SCLT1: variants seen among roughly 807,000 people sequenced by gnomAD.
The protein encoded by SCLT1 is sodium channel-associated protein 1.
Under a neutral mutation model 112.8 loss-of-function variants are expected in SCLT1, and 78 were observed. The ratio of observed to expected loss-of-function variants is 0.69; its 90% CI spans 0.58 to 0.83. The LOEUF (loss-of-function observed/expected upper bound fraction) is 0.83. Ranked by LOEUF, SCLT1 falls within the 40% of genes least tolerant of loss-of-function variation. SCLT1 has a pLI of 0.00. For synonymous variants in SCLT1, 257 were observed against 254.7 expected, an observed-to-expected ratio of 1.01 and a Z score of -0.09; for missense variants, 747 against 770.4, an observed-to-expected ratio of 0.97 and a Z score of 0.36.
chr4:129,037,461 T>C (rs957925144), intron 5 of SCLT1: 1 of 152,292 alleles, frequency 6.6e-6, no homozygotes, highest in South Asian at 2.1e-4. Flanking sequence ...TAAGTAAAAC[T>C]GGATAGACAA....
At chr4:129,072,343 T>C (rs1751088340) in intron 2 of SCLT1, among the ~76,000 whole-genome samples, 1 of 152,192 alleles carries the variant, frequency 6.6e-6, no homozygotes, top group Non-Finnish European at 1.5e-5. Flanking sequence ...TGTATTTGGA[T>C]GTCTAGGACT....
At chr4:129,080,354 T>A (rs530202541) in intron 2 of SCLT1, among the ~76,000 whole-genome samples, 31 of 152,348 alleles carry the variant, frequency 2.0e-4, no homozygotes, top group Admixed American at 9.8e-4. Context: ...CAAACACATA[T>A]GAACTTACAC....
intron 5 of SCLT1, among the ~76,000 whole-genome samples, chr4:129,024,986 G>A (rs1166119262): frequency 1.3e-5 from 2 of 151,980 alleles, no homozygotes; most frequent in Non-Finnish European, 2.9e-5. Context: ...AAGCGAGAAG[G>A]GAAGTTTAGA....
At chr4:128,967,358 T>C (rs1232489733) in intron 10 of SCLT1, among the ~76,000 whole-genome samples, 5 of 152,224 alleles carry the variant, frequency 3.3e-5, no homozygotes, top group Non-Finnish European at 7.3e-5. Context: ...TTTATACTAC[T>C]TCGTTATATA....
intron 18 of SCLT1, among the ~76,000 whole-genome samples, chr4:128,908,676 AAC>A (rs1340933876): frequency 1.3e-5 from 2 of 152,242 alleles, no homozygotes; most frequent in African/African-American, 4.8e-5. Context: ...CAGCAGAGAC[AAC>A]AGTGTTCACC....
At chr4:128,893,830 T>C (rs318507) in intron 18 of SCLT1, among the ~76,000 whole-genome samples, 107,663 of 152,184 alleles carry the variant, frequency 0.71, 38,198 homozygotes, top group African/African-American at 0.76. Flanking sequence ...CGTGAGCCAC[T>C]GTGCCCAGCC....
At chr4:128,928,978 T>C (rs988763419) in intron 18 of SCLT1, among the ~76,000 whole-genome samples, 4 of 152,186 alleles carry the variant, frequency 2.6e-5, no homozygotes, top group Admixed American at 1.3e-4. Context: ...CCTTTTAAGA[T>C]TGGGAACAAG....
rs147740447 is a variant in SCLT1, at chr4:129,005,579, T to C, written c.291-1703A>G. Among the ~76,000 whole-genome samples the C allele has an allele frequency of 1.3e-3, 193 of 152,294 alleles. 2 individuals are homozygous for C. Among genetic ancestry groups the C allele is most frequent in the African/African-American group, 4.0e-3 (166 of 41,552 alleles). On this transcript the variant is annotated intron_variant, in intron 5 of 20. Coordinates refer to ENST00000281142, the MANE Select transcript of SCLT1 (RefSeq NM_144643.4). ...TTACACTGTTGGTGGGACTGTAAAC[T>C]AGTTCAACTATTGTGGAAGTCAGTG...
At chr4:129,047,163 G>A (rs986445343) in intron 2 of SCLT1, among the ~76,000 whole-genome samples, 7 of 151,920 alleles carry the variant, frequency 4.6e-5, no homozygotes, top group Non-Finnish European at 1.0e-4. Context: ...TATGATTAGT[G>A]CTTATGTGCT....
chr4:128,942,963 T>C lies in SCLT1; in HGVS notation c.1632+33A>G, dbSNP rs77229492. 2.5e-3 allele frequency: 3,722 copies of C among 1,477,526 alleles called. 84 individuals carry two copies. The African/African-American group carries it at 0.048, about 19-fold the overall frequency. 91.5% of individuals were successfully genotyped at this position (1,477,526 alleles called of 1,614,324 possible). ...AATATTCTCTATACTTTGATTTTCA[T>C]AAGTACACATTTAACTCTAGTCTTG... On this transcript the variant is annotated intron_variant, in intron 17 of 20. Coordinates refer to ENST00000281142, the MANE Select transcript of SCLT1 (RefSeq NM_144643.4).
At chr4:129,008,634 A>G (rs1453835446) in intron 5 of SCLT1, among the ~76,000 whole-genome samples, 3 of 152,110 alleles carry the variant, frequency 2.0e-5, no homozygotes, top group Non-Finnish European at 2.9e-5. Flanking sequence ...ATTTTGTTCC[A>G]TATTTTCTTT....
At chr4:129,080,779 A>G (rs368461199) in intron 2 of SCLT1, among the ~76,000 whole-genome samples, 4 of 152,264 alleles carry the variant, frequency 2.6e-5, no homozygotes, top group East Asian at 1.9e-4. Context: ...CAAATTTTCT[A>G]TATCAGTCCA....
chr4:129,029,954 A>G (rs1466666824), intron 5 of SCLT1, among the ~76,000 whole-genome samples: 1 of 152,116 alleles, frequency 6.6e-6, no homozygotes, highest in Non-Finnish European at 1.5e-5. Flanking sequence ...CTCTGGACCA[A>G]GCGGACCTAA....
chr4:129,081,486 C>G (rs1420572262), intron 2 of SCLT1, among the ~76,000 whole-genome samples: 1 of 152,160 alleles, frequency 6.6e-6, no homozygotes, highest in Non-Finnish European at 1.5e-5. Context: ...CTTGGGAAGC[C>G]TCAGGAAATG....
chr4:129,026,824 AG>A (rs1208443737), intron 5 of SCLT1, among the ~76,000 whole-genome samples: 8 of 152,230 alleles, frequency 5.3e-5, no homozygotes, highest in Non-Finnish European at 1.2e-4. Flanking sequence ...AAAGAAGGAA[AG>A]AGAGAAGAAT....
intron 18 of SCLT1, among the ~76,000 whole-genome samples, chr4:128,916,699 C>A (rs1432823731): frequency 2.6e-5 from 4 of 152,138 alleles, no homozygotes; most frequent in African/African-American, 9.7e-5. Flanking sequence ...CGTTTCAACA[C>A]AGTGTAAAAA....
At chr4:129,087,106 C>T (rs775304219) in intron 1 of SCLT1, among the ~76,000 whole-genome samples, 2 of 152,064 alleles carry the variant, frequency 1.3e-5, no homozygotes, top group Non-Finnish European at 2.9e-5. Flanking sequence ...GTGGAGACCA[C>T]TGGACTCTTA....
chr4:128,995,718 G>A (rs899777546), intron 8 of SCLT1, among the ~76,000 whole-genome samples: 1 of 151,990 alleles, frequency 6.6e-6, no homozygotes, highest in African/African-American at 2.4e-5. Flanking sequence ...ACTATAGCAT[G>A]TATCAGCCCA....
chr4:129,022,883 G>C (rs1353800550), intron 5 of SCLT1, among the ~76,000 whole-genome samples: 1 of 152,154 alleles, frequency 6.6e-6, no homozygotes, highest in East Asian at 1.9e-4. Context: ...AAAATGTTAA[G>C]GGCAGCCAGA....
Sources: allele counts gnomAD v4.1 joint callset (sites outside exome capture counted in the v4.1 genomes callset), GRCh38; gene constraint gnomAD v4.1.1; transcripts MANE v1.5; gene names NCBI Gene and HGNC (gene_info 2026-07-23, HGNC 2026-07-21).